Variants in AGAP1 observed in about 807,000 individuals in gnomAD.
AGAP1 encodes the protein ArfGAP with GTPase domain, ankyrin repeat and PH domain 1.
AGAP1 carries 29 observed loss-of-function variants against 105.3 expected under a neutral mutation model. The observed-to-expected ratio is 0.28, with a 90% CI of 0.21 to 0.38. The LOEUF (loss-of-function observed/expected upper bound fraction) is 0.38. Ranked by LOEUF, AGAP1 falls within the 10% of genes least tolerant of loss-of-function variation. AGAP1 has a pLI of 1.00. For synonymous variants in AGAP1, 509 were observed against 485.9 expected (o/e 1.05, Z -0.63); for missense variants, 998 against 1,165.1 (o/e 0.86, Z 2.09).
At chr2:235,999,406 GT>G (rs2055986489) in intron 13 of AGAP1, among the ~76,000 whole-genome samples, 2 of 147,164 alleles carry the variant, frequency 1.4e-5, no homozygotes, top group African/African-American at 2.5e-5. Flanking sequence ...GTGAGAGGTG[GT>G]GGTGGTGGTG....
Position 235,625,569 on chromosome 2 carries a change from A to T in AGAP1, c.164-83610A>T, listed in dbSNP as rs1462737508. Among the ~76,000 whole-genome samples, 1 of 152,216 alleles carries T rather than the reference A, an allele frequency of 6.6e-6. No homozygotes were observed. The highest frequency in any genetic ancestry group is 1.5e-5 in the Non-Finnish European group (1 of 68,030). Reference sequence around the variant, plus strand: ...TTGCAAGTACAAGTCACCAGATTTTAGTTGTTTATAAACTTCAGCTTAAAA... The same window carrying T: ...TTGCAAGTACAAGTCACCAGATTTTTGTTGTTTATAAACTTCAGCTTAAAA... On this transcript the variant is annotated intron_variant, in intron 1 of 17. Coordinates refer to ENST00000304032, the MANE Select transcript of AGAP1 (RefSeq NM_001037131.3). This position sits in a 1 kb window ranked among gnomAD's most constrained non-coding sequence, Gnocchi z 4.0.
In AGAP1 at chr2:235,705,970, C is replaced by G. The variant is rs1278011766; in HGVS notation, c.164-3209C>G. Among the ~76,000 whole-genome samples the G allele has an allele frequency of 2.0e-5, 3 of 152,168 alleles. No individual in the cohort carries two copies. Among genetic ancestry groups the G allele is most frequent in the African/African-American group, 7.2e-5 (3 of 41,450 alleles). On this transcript the variant is annotated intron_variant, in intron 1 of 17. Transcript: ENST00000304032. This position sits in a 1 kb window ranked among gnomAD's most constrained non-coding sequence, Gnocchi z 4.9. ...TTGATGAATAGAGCTCATTTTAATT[C>G]ACAGTTTACCCTCTTTGTTTTACTA... is the stretch of plus-strand genomic sequence containing the variant.
chr2:235,915,933 T>C (rs950821520), intron 11 of AGAP1, among the ~76,000 whole-genome samples: 4 of 151,976 alleles, frequency 2.6e-5, no homozygotes, highest in African/African-American at 9.7e-5. Context: ...AACAACAAGG[T>C]TACCTACAAA....
At chr2:235,546,016 G>A (rs1943610677) in intron 1 of AGAP1, among the ~76,000 whole-genome samples, 1 of 152,234 alleles carries the variant, frequency 6.6e-6, no homozygotes, top group Non-Finnish European at 1.5e-5. Flanking sequence ...AGCAGCCCTT[G>A]CCTTCTGTGA....
rs147462279 is a variant in AGAP1 at position 236,016,910 on chromosome 2, C to T, written c.1646-19651C>T. ...CATGTATGAATTTTCAATTAAAAGA[C>T]AGCATTCTTCATTTACTTTGGGTTT... On this transcript the variant is annotated intron_variant, in intron 13 of 17. Transcript: ENST00000304032. Among the ~76,000 whole-genome samples the T allele has an allele frequency of 5.9e-3, 893 of 152,244 alleles. 5 individuals are homozygous for T. The highest frequency in any genetic ancestry group is 0.02 in the African/African-American group (841 of 41,526).
chr2:236,105,675 CGCCATTCTCCCGCGTTCACG>C lies in AGAP1; in HGVS notation c.2115-14516_2115-14497del, dbSNP rs984611463. The stretch of plus-strand genomic sequence containing the variant: ...GGTTCACACCATTCTCCCGCGTTCA[CGCCATTCTCCCGCGTTCACG>C]CCATTCTCCCACCTCAGCCTCCCGA... On this transcript the variant is annotated intron_variant, in intron 16 of 17. Coordinates refer to ENST00000304032, the MANE Select transcript of AGAP1 (RefSeq NM_001037131.3). This position sits in a 1 kb window ranked among gnomAD's most constrained non-coding sequence, Gnocchi z 4.2. Among the ~76,000 whole-genome samples the C allele has an allele frequency of 3.4e-5, 2 of 59,250 alleles. No homozygotes were observed. The highest frequency in any genetic ancestry group is 9.3e-5 in the African/African-American group (2 of 21,484). 38.9% of individuals were successfully genotyped at this position (59,250 alleles called of 152,430 possible). A position where few individuals can be genotyped will look rare whatever the true frequency, so the allele number is the denominator to read the frequency against.
intron 9 of AGAP1, among the ~76,000 whole-genome samples, chr2:235,821,782 C>T (rs962379970): frequency 3.3e-5 from 5 of 152,042 alleles, no homozygotes; most frequent in South Asian, 2.1e-4. Flanking sequence ...ATCCAGGATC[C>T]CTCCTTTCAC....
At position 235,899,658 on chromosome 2, in the gene AGAP1, T is replaced by C. The variant is rs887350574; in HGVS notation, c.1156-9080T>C. 7.2e-5 allele frequency among the ~76,000 whole-genome samples: 11 copies of C among 152,356 alleles called. No homozygotes were observed. In the South Asian group the frequency reaches 1.2e-3, roughly 17 times the overall value. ...AGTCAAAATTTCTAGGATCTAACTA[T>C]TGATCCAGTTGTTTCAAGCCATATT... On this transcript the variant is annotated intron_variant, in intron 10 of 17. Transcript: ENST00000304032.
intron 1 of AGAP1, among the ~76,000 whole-genome samples, chr2:235,607,476 T>C (rs1449803627): frequency 6.6e-6 from 1 of 152,246 alleles, no homozygotes; most frequent in East Asian, 1.9e-4. Flanking sequence ...GAGGAGCTGT[T>C]CTGACTTCAG....
At chr2:235,941,867 G>C (rs949818979) in intron 12 of AGAP1, among the ~76,000 whole-genome samples, 1 of 152,016 alleles carries the variant, frequency 6.6e-6, no homozygotes, top group African/African-American at 2.4e-5. Flanking sequence ...TAAGAAGGGC[G>C]GACACTGAAG....
rs1952488418 is a variant in AGAP1 at position 235,740,060 on chromosome 2, G to A, written c.311-903G>A. On this transcript the variant is annotated intron_variant, in intron 3 of 17. Coordinates refer to ENST00000304032, the MANE Select transcript of AGAP1 (RefSeq NM_001037131.3). This position sits in a 1 kb window ranked among gnomAD's most constrained non-coding sequence, Gnocchi z 5.7. ...AAACAAGAGTTTCGAATCCCCATGA[G>A]GGTTCCCTAGCGTGGTCTCAGAGCC... Among the ~76,000 whole-genome samples the A allele has an allele frequency of 6.6e-6, 1 of 152,160 alleles. No individual in the cohort carries two copies. The highest frequency in any genetic ancestry group is 1.5e-5 in the Non-Finnish European group (1 of 68,012).
At chr2:235,618,286 A>G (rs1946370736) in intron 1 of AGAP1, among the ~76,000 whole-genome samples, 1 of 152,134 alleles carries the variant, frequency 6.6e-6, no homozygotes, top group African/African-American at 2.4e-5. Context: ...AGAGCTGGAA[A>G]ATTCCAGTAG....
At chr2:236,085,763 T>C (rs192403596) in intron 16 of AGAP1, among the ~76,000 whole-genome samples, 120 of 152,370 alleles carry the variant, frequency 7.9e-4, no homozygotes, top group African/African-American at 2.7e-3. Context: ...CATGTGGTTT[T>C]CCAGGCCAAG....
chr2:235,523,131 G>C (rs1426786711), intron 1 of AGAP1, among the ~76,000 whole-genome samples: 1 of 135,176 alleles, frequency 7.4e-6, no homozygotes, highest in African/African-American at 3.7e-5. Flanking sequence ...TCTCATGGTG[G>C]AGAGAGAGAG....
chr2:236,022,626 C>T (rs541767845), intron 13 of AGAP1, among the ~76,000 whole-genome samples: 2 of 152,292 alleles, frequency 1.3e-5, no homozygotes, highest in Admixed American at 1.3e-4. Flanking sequence ...CCTCCACCTC[C>T]AGGGTTCAAG....
rs539133449 is a variant in AGAP1 at position 235,513,159 on chromosome 2, A to G, written c.163+18310A>G. ...TAAATGGTCTTAAAGGTTTGAGATC[A>G]GTGTCTCAGACTTTAGCCTGCGTCA... On this transcript the variant is annotated intron_variant, in intron 1 of 17. Transcript: ENST00000304032. 2.5e-3 allele frequency among the ~76,000 whole-genome samples: 386 copies of G among 152,274 alleles called. 2 individuals carry two copies. The highest frequency in any genetic ancestry group is 8.7e-3 in the African/African-American group (363 of 41,564).
At chr2:235,999,502 T>TG (rs2055994766) in intron 13 of AGAP1, among the ~76,000 whole-genome samples, 2 of 143,342 alleles carry the variant, frequency 1.4e-5, no homozygotes, top group African/African-American at 2.6e-5. Flanking sequence ...GTGGTGGTGG[T>TG]AGTGGTGATG....
At chr2:235,749,568 TCTAGGC>T (rs1953258226) in intron 5 of AGAP1, among the ~76,000 whole-genome samples, 1 of 143,302 alleles carries the variant, frequency 7.0e-6, no homozygotes, top group African/African-American at 2.6e-5. Context: ...CTCCCACCCC[TCTAGGC>T]CTCACCCCTA....
chr2:235,973,594 A>T lies in AGAP1; in HGVS notation c.1645+4971A>T, dbSNP rs1375541727. On this transcript the variant is annotated intron_variant, in intron 13 of 17. Coordinates refer to ENST00000304032, the MANE Select transcript of AGAP1 (RefSeq NM_001037131.3). This position sits in a 1 kb window ranked among gnomAD's most constrained non-coding sequence, Gnocchi z 4.7. Reference sequence around the variant, plus strand: ...GTGATGAGGATGAGGGCCATGAGGCATGGTGACTGTGACCAGCTGATGGAA... The same window carrying T: ...GTGATGAGGATGAGGGCCATGAGGCTTGGTGACTGTGACCAGCTGATGGAA... 6.6e-6 allele frequency among the ~76,000 whole-genome samples: 1 copy of T among 152,210 alleles called. No individual in the cohort carries two copies. Among genetic ancestry groups the T allele is most frequent in the Non-Finnish European group, 1.5e-5 (1 of 68,026 alleles).
Sources: gnomAD v4.1 joint callset for allele counts (sites outside exome capture counted in the v4.1 genomes callset) on GRCh38, gnomAD v4.1.1 for gene constraint, Gnocchi (gnomAD v3.1) non-coding constraint, MANE v1.5 for transcripts, NCBI Gene and HGNC (gene_info 2026-07-23, HGNC 2026-07-21) for gene names.